The following EVC variants were observed in gnomAD, a reference collection of about 807,000 sequenced individuals.
The protein encoded by EVC is evC complex member EVC.
A neutral mutation model predicts 118.9 loss-of-function variants in EVC; 116 were observed. That is an observed-to-expected ratio of 0.98 (90% CI 0.84 to 1.14). The LOEUF is 1.14. Among genes scored for constraint, EVC ranks in the 50% most tolerant of loss-of-function variants. The pLI is 0.00. For missense variants in EVC, 1,401 were observed against 1,246.4 expected, an observed-to-expected ratio of 1.12 and a Z score of -1.87; for synonymous variants, 619 against 534.7, an observed-to-expected ratio of 1.16 and a Z score of -2.18.
the EVC span, chr4:5,820,777 G>A: frequency 6.6e-6 from 1 of 151,578 alleles, no homozygotes; most frequent in South Asian, 2.1e-4. Flanking sequence ...AAGTGCCCTA[G>A]TCAGGTCAGT....
chr4:5,816,670 C>A (rs1052157627), downstream of EVC, among the ~76,000 whole-genome samples: 1 of 139,382 alleles, frequency 7.2e-6, no homozygotes, highest in African/African-American at 2.6e-5. Flanking sequence ...CTTCCCCTCT[C>A]TCCCTTCCCT....
At chr4:5,821,609 C>T in the EVC span, 1 of 752,328 alleles carries the variant, frequency 1.3e-6, no homozygotes, top group Non-Finnish European at 2.2e-6. The surrounding 1 kb of genome is among the most constrained non-coding windows in gnomAD (Gnocchi z 4.4). Context: ...AGTACCACTT[C>T]TTCCTAAACA....
chr4:5,741,043 A>G lies in EVC; in HGVS notation c.703-673A>G, dbSNP rs532481839. Among the ~76,000 whole-genome samples the G allele has an allele frequency of 1.2e-4, 19 of 152,354 alleles. 1 individual carries two copies. Among genetic ancestry groups the G allele is most frequent in the Admixed American group, 1.2e-3 (18 of 15,308 alleles). ...CTGGAAAACGTTTTGGCAATTTCTT[A>G]TCAAACTTAACTTGCAGTTACCAGA... On this transcript the variant is annotated intron_variant, in intron 5 of 20. Transcript: ENST00000264956.
At chr4:5,783,958 G>A (rs569557966) in intron 12 of EVC, among the ~76,000 whole-genome samples, 194 bp downstream of exon 12, 43 of 152,296 alleles carry the variant, frequency 2.8e-4, no homozygotes, top group Middle Eastern at 3.4e-3. Flanking sequence ...CCCTCAACAG[G>A]AAGTCGGAGA....
At position 5,761,933 on chromosome 4, in the gene EVC, G is replaced by A. The variant is rs1186485907; in HGVS notation, c.1563+5571G>A. Among the ~76,000 whole-genome samples the A allele has an allele frequency of 1.3e-5, 2 of 151,420 alleles. 1 individual carries two copies. The highest frequency in any genetic ancestry group is 4.9e-5 in the African/African-American group (2 of 40,970). ...TTTTTTAATTATTATTTAAGTTTTA[G>A]GGTACATGTGCACAATGTGCAGGTT... On this transcript the variant is annotated intron_variant, in intron 11 of 20. Transcript: ENST00000264956.
At chr4:5,805,352 C>T (rs1715692069) in intron 17 of EVC, among the ~76,000 whole-genome samples, 1 of 152,186 alleles carries the variant, frequency 6.6e-6, no homozygotes, top group Non-Finnish European at 1.5e-5. Context: ...AGAAGGCAGG[C>T]TTGGCTCTCC....
At chr4:5,765,935 A>T (rs1401980186) in intron 11 of EVC, among the ~76,000 whole-genome samples, 1 of 134,144 alleles carries the variant, frequency 7.5e-6, no homozygotes, top group South Asian at 2.7e-4. Context: ...TGTGAATTTG[A>T]TCCTGTCATT....
rs183160732 is a variant in EVC at position 5,718,546 on chromosome 4, G to A, written c.175-702G>A. Among the ~76,000 whole-genome samples the A allele has an allele frequency of 4.8e-4, 73 of 151,988 alleles. No individual in the cohort carries two copies. The East Asian group carries it at 0.014, about 29-fold the overall frequency. ...AAACTGTGCTACTAGAGTATGAAAA[G>A]GATGTTTGTTTACAGCATGAGAGCA... is the stretch of plus-strand genomic sequence containing the variant. On this transcript the variant is annotated intron_variant, in intron 1 of 20. Transcript: ENST00000264956.
intron 11 of EVC, among the ~76,000 whole-genome samples, chr4:5,757,185 G>A (rs764226986): frequency 2.8e-4 from 42 of 152,164 alleles, no homozygotes; most frequent in Non-Finnish European, 4.9e-4. Context: ...GCTGGCACTC[G>A]GAACACCCCA....
In EVC at chr4:5,753,789, T is replaced by TCA; in HGVS notation, c.1320_1321insCA (p.Val441GlnfsTer60). 1 of 1,614,164 alleles carries TCA rather than the reference T, an allele frequency of 6.2e-7. No individual in the cohort carries two copies. The highest frequency in any genetic ancestry group is 1.7e-4 in the Middle Eastern group (1 of 6,058). ...TGTGGCTTTTTTCAATCCCAGAGTTTGTCCAGCGAGGCAAAGACCTGGTCA... is the reference window on the plus strand; with the variant it reads ...TGTGGCTTTTTTCAATCCCAGAGTTTCAGTCCAGCGAGGCAAAGACCTGGTCA... On this transcript the variant is annotated frameshift_variant, in exon 10 of 21. Coordinates refer to ENST00000264956, the MANE Select transcript of EVC (RefSeq NM_153717.3). LOFTEE classifies it high-confidence loss of function.
At chr4:5,768,927 A>G (rs904323211) in intron 11 of EVC, among the ~76,000 whole-genome samples, 4 of 152,112 alleles carry the variant, frequency 2.6e-5, no homozygotes, top group African/African-American at 9.7e-5. Flanking sequence ...CAGGCTCTCA[A>G]GGTACCCTGC....
At position 5,743,679 on chromosome 4, in the gene EVC, C is replaced by A. The variant is rs1728949521; in HGVS notation, c.802-1525C>A. Among the ~76,000 whole-genome samples the A allele has an allele frequency of 6.6e-6, 1 of 152,156 alleles. No individual in the cohort carries two copies. The highest frequency in any genetic ancestry group is 1.5e-5 in the Non-Finnish European group (1 of 68,034). The stretch of plus-strand genomic sequence containing the variant: ...CATGAGGAAGGATGACTCACTGCAT[C>A]CCAGGAAGGAGGAAGGACATCATCA... On this transcript the variant is annotated intron_variant, in intron 6 of 20. Transcript: ENST00000264956. The surrounding 1 kb of genome is among the most constrained non-coding windows in gnomAD (Gnocchi z 4.7).
At chr4:5,770,832 C>G (rs1187228880) in intron 11 of EVC, among the ~76,000 whole-genome samples, 1 of 151,966 alleles carries the variant, frequency 6.6e-6, no homozygotes, top group East Asian at 1.9e-4. Context: ...GCCAACATGG[C>G]AAAACCCCAT....
At chr4:5,774,005 T>C (rs1406549645) in intron 11 of EVC, among the ~76,000 whole-genome samples, 1 of 152,016 alleles carries the variant, frequency 6.6e-6, no homozygotes, top group African/African-American at 2.4e-5. Flanking sequence ...TGAACCTTCA[T>C]TGGTGCATCT....
chr4:5,825,365 G>A, the EVC span: 1 of 1,441,298 alleles, frequency 6.9e-7, no homozygotes, highest in South Asian at 1.6e-5. The surrounding 1 kb of genome is among the most constrained non-coding windows in gnomAD (Gnocchi z 4.4). Context: ...GGCTCGGGTG[G>A]GGCACACTCC....
At position 5,748,137 on chromosome 4, in the gene EVC, T is replaced by C; in HGVS notation, c.940-11T>C. The C allele has an allele frequency of 6.2e-7, 1 of 1,614,208 alleles. No individual in the cohort carries two copies. Among genetic ancestry groups the C allele is most frequent in the Non-Finnish European group, 8.5e-7 (1 of 1,180,046 alleles). On this transcript the variant is annotated splice_polypyrimidine_tract_variant and intron_variant, in intron 7 of 20. Transcript: ENST00000264956. ...TCACCTCACTTCTTGCTGCTTGTGCTCATTTCACAGATGGAAGCTTTCTGG... is the reference window on the plus strand; with the variant it reads ...TCACCTCACTTCTTGCTGCTTGTGCCCATTTCACAGATGGAAGCTTTCTGG...
Position 5,748,208 on chromosome 4 carries a change from T to G in EVC, c.1000T>G (p.Cys334Gly). 1 of 1,614,184 alleles carries G rather than the reference T, an allele frequency of 6.2e-7. No individual in the cohort carries two copies. The highest frequency in any genetic ancestry group is 8.5e-7 in the Non-Finnish European group (1 of 1,180,038). The change falls in exon 8 of 21, where the codon TGT becomes GGT. Residue 334 changes from cysteine to glycine, a missense_variant. Physicochemically the swap from Cys to Gly is radical, Grantham distance 159 (BLOSUM62 -3). Transcript: ENST00000264956. ...GCACTTTCTTGTGGACCAGTTTAAG[T>G]GTTCCAGCTCCAAAGCCCGACAGCT... Reference protein sequence around the residue: ...IQHFLVDQFKCSSSKARQLMM... With the variant: ...IQHFLVDQFKGSSSKARQLMM...
At position 5,810,347 on chromosome 4, in the gene EVC, C is replaced by G; in HGVS notation, c.2791C>G (p.Leu931Val). Residue 931 changes from leucine (L) to valine (V), a missense_variant, in exon 20 of 21, where the codon CTA becomes GTA. Physicochemically the swap from Leu to Val is conservative, Grantham distance 32 (BLOSUM62 1). Transcript: ENST00000264956. ...PAKRGLLEKP[L>V]RTKRKKPLPQ... ...TCATCTGTCCTCTACAGAGAAGCCC[C>G]TAAGGACTAAAAGGAAGAAGCCCCT... 6.2e-7 allele frequency: 1 copy of G among 1,613,372 alleles called. No homozygotes were observed. The highest frequency in any genetic ancestry group is 1.3e-5 in the African/African-American group (1 of 75,014).
At chr4:5,782,112 C>G (rs1041068258) in intron 11 of EVC, among the ~76,000 whole-genome samples, 2 of 152,118 alleles carry the variant, frequency 1.3e-5, no homozygotes, top group Non-Finnish European at 2.9e-5. Flanking sequence ...GAGTCTCTCT[C>G]TGTCACCCAA....
Sources: gnomAD v4.1 joint callset for allele counts (sites outside exome capture counted in the v4.1 genomes callset) on GRCh38, gnomAD v4.1.1 for gene constraint, Gnocchi (gnomAD v3.1) non-coding constraint, MANE v1.5 for transcripts, NCBI Gene and HGNC (gene_info 2026-07-23, HGNC 2026-07-21) for gene names.